The following VPS13B variants were observed in gnomAD, a reference collection of about 807,000 sequenced individuals.
The protein encoded by VPS13B is intermembrane lipid transfer protein VPS13B.
VPS13B carries 285 observed loss-of-function variants against 426.4 expected under a neutral mutation model. The observed-to-expected ratio is 0.67, with a 90% confidence interval of 0.61 to 0.74. VPS13B has a LOEUF of 0.74. Ranked by LOEUF, VPS13B falls within the 30% of genes least tolerant of loss-of-function variation. The pLI, the probability that VPS13B is intolerant of heterozygous loss-of-function variation, is 0.00. For missense variants in VPS13B, 4,537 were observed against 4,782.6 expected, an observed-to-expected ratio of 0.95 and a Z score of 1.51; for synonymous variants, 1,676 against 1,676.4, an observed-to-expected ratio of 1.00 and a Z score of 0.01.
At position 99,152,614 on chromosome 8, in the gene VPS13B, G is replaced by T. The variant is rs192939739; in HGVS notation, c.2014-3935G>T. Among the ~76,000 whole-genome samples the T allele has an allele frequency of 2.5e-3, 383 of 152,260 alleles. 3 individuals are homozygous for T. The highest frequency in any genetic ancestry group is 8.0e-3 in the African/African-American group (331 of 41,548). On this transcript the variant is annotated intron_variant, in intron 14 of 61. Coordinates refer to ENST00000357162, the MANE Select transcript of VPS13B (RefSeq NM_152564.5). ...AGTCTCCAACCAAAACAGTGGGTTT[G>T]TTGGATTTTTTCCTTGAAATTTTAT...
chr8:99,556,486 A>T lies in VPS13B; in HGVS notation c.4782A>T (p.Gly1594=), dbSNP rs2133764676. 1 of 1,613,044 alleles carries T rather than the reference A, an allele frequency of 6.2e-7. No homozygotes were observed. The highest frequency in any genetic ancestry group is 8.5e-7 in the Non-Finnish European group (1 of 1,179,494). ...ALNLGILRDP[G]SEIEDRQYQI... is the part of the protein sequence containing the mutation. ...ACTTAGGAATTCTTCGAGATCCTGG[A>T]TCAGAAATCGAAGACAGACAATACC... is the stretch of plus-strand genomic sequence containing the variant. The change falls in exon 31 of 62, where the codon GGA becomes GGT. Residue 1594 remains glycine (G), a synonymous_variant. Coordinates refer to ENST00000357162, the MANE Select transcript of VPS13B (RefSeq NM_152564.5).
chr8:99,173,181 A>C (rs1033111088), intron 16 of VPS13B, among the ~76,000 whole-genome samples: 3 of 152,056 alleles, frequency 2.0e-5, no homozygotes, highest in African/African-American at 7.2e-5. Flanking sequence ...GCAGGGGAAA[A>C]ATGCTTCTGT....
chr8:99,818,174 C>T (rs928282840), intron 45 of VPS13B, among the ~76,000 whole-genome samples: 1 of 152,136 alleles, frequency 6.6e-6, no homozygotes, highest in African/African-American at 2.4e-5. Context: ...CTTTCATTCC[C>T]ATAAAGGATA....
At chr8:99,053,622 T>C (rs1453391121) in intron 3 of VPS13B, among the ~76,000 whole-genome samples, 1 of 152,020 alleles carries the variant, frequency 6.6e-6, no homozygotes, top group East Asian at 1.9e-4. Flanking sequence ...CTTAGCACAG[T>C]GTCCTCAAGG....
rs60698750 is a variant in VPS13B at position 99,250,664 on chromosome 8, C to CTTTTTTTTTTTT, written c.2516-23507_2516-23496dup. Among the ~76,000 whole-genome samples the CTTTTTTTTTTTT allele has an allele frequency of 2.8e-4, 10 of 35,806 alleles. 3 individuals are homozygous for CTTTTTTTTTTTT. The highest frequency in any genetic ancestry group is 2.3e-3 in the East Asian group (2 of 882). The allele number at this position is 35,806 out of a possible 152,430, so 23.5% of individuals were successfully genotyped here. On this transcript the variant is annotated intron_variant, in intron 17 of 61. Coordinates refer to ENST00000357162, the MANE Select transcript of VPS13B (RefSeq NM_152564.5). ...CTGTCCACTAATCCGTGTGTTTATT[C>CTTTTTTTTTTTT]TTTTTTTTTTTTTTTTTTTTTTTTT...
intron 3 of VPS13B, among the ~76,000 whole-genome samples, chr8:99,057,202 T>C (rs1843925525): frequency 6.6e-6 from 1 of 152,068 alleles, no homozygotes; most frequent in Non-Finnish European, 1.5e-5. Context: ...TTTTTTTGTT[T>C]CCAGTCTGTA....
intron 19 of VPS13B, among the ~76,000 whole-genome samples, chr8:99,326,176 A>G (rs1161047476): frequency 6.6e-6 from 1 of 152,078 alleles, no homozygotes; most frequent in Non-Finnish European, 1.5e-5. Context: ...GACTCAAATA[A>G]TTTTCTGTGC....
At chr8:99,451,641 C>A (rs1327063869) in intron 23 of VPS13B, among the ~76,000 whole-genome samples, 1 of 152,182 alleles carries the variant, frequency 6.6e-6, no homozygotes, top group Non-Finnish European at 1.5e-5. Context: ...GGTTTTCAAT[C>A]TTTGCTGTTT....
intron 22 of VPS13B, among the ~76,000 whole-genome samples, chr8:99,440,321 C>T (rs1817619651): frequency 6.6e-6 from 1 of 152,040 alleles, no homozygotes; most frequent in Non-Finnish European, 1.5e-5. Context: ...TGATCTGACC[C>T]CCAGCTTGAG....
At chr8:99,344,578 T>C (rs1588274255) in intron 19 of VPS13B, among the ~76,000 whole-genome samples, 2 of 152,336 alleles carry the variant, frequency 1.3e-5, no homozygotes, top group Non-Finnish European at 2.9e-5. Context: ...CTTCATATTA[T>C]GTCTTCACCC....
chr8:99,708,939 A>G (rs1832603151), intron 36 of VPS13B, among the ~76,000 whole-genome samples: 1 of 151,936 alleles, frequency 6.6e-6, no homozygotes, highest in Admixed American at 6.6e-5. Context: ...TGATCAACTT[A>G]CATATTCTGA....
chr8:99,566,002 T>G (rs531014263), intron 31 of VPS13B, among the ~76,000 whole-genome samples: 119 of 152,312 alleles, frequency 7.8e-4, no homozygotes, highest in African/African-American at 2.8e-3. Flanking sequence ...ATGTGAATTT[T>G]TCTTCCTGCC....
chr8:99,820,102 A>G lies in VPS13B; in HGVS notation c.8974A>G (p.Ile2992Val). ...IVLQVPAGKI[I>V]IPPNFQEAFQ... ...TCTACAGGTTCCTGCTGGCAAAATT[A>G]TTATTCCTCCTAATTTTCAGGTACT... The change falls in exon 49 of 62, where the codon ATT becomes GTT. Residue 2992 changes from isoleucine to valine, a missense_variant. Ile to Val is a conservative substitution (Grantham distance 29, BLOSUM62 3). Around this residue, in one of 2 missense-constraint regions of VPS13B, gnomAD observed 4,311 missense variants for 4,474.3 expected, o/e 0.96. Coordinates refer to ENST00000357162, the MANE Select transcript of VPS13B (RefSeq NM_152564.5). The G allele has an allele frequency of 3.1e-6, 5 of 1,613,856 alleles. No homozygotes were observed. Among genetic ancestry groups the G allele is most frequent in the Non-Finnish European group, 4.2e-6 (5 of 1,179,804 alleles).
chr8:99,546,805 G>C (rs902004722), intron 30 of VPS13B, among the ~76,000 whole-genome samples: 1 of 151,860 alleles, frequency 6.6e-6, no homozygotes, highest in African/African-American at 2.4e-5. Context: ...AAATGAATTT[G>C]GTTAAGAGAT....
At chr8:99,290,594 T>G (rs1423543587) in intron 19 of VPS13B, among the ~76,000 whole-genome samples, 1 of 151,304 alleles carries the variant, frequency 6.6e-6, no homozygotes, top group Admixed American at 6.6e-5. Flanking sequence ...ACATGGCACA[T>G]GTATACATAT....
At position 99,817,449 on chromosome 8, in the gene VPS13B, A is replaced by G. The variant is rs1259893444; in HGVS notation, c.8098-91A>G. 1.1e-5 allele frequency: 16 copies of G among 1,487,682 alleles called. No individual in the cohort carries two copies. In the East Asian group the frequency reaches 3.6e-4, roughly 34 times the overall value. 92.2% of individuals were successfully genotyped at this position (1,487,682 alleles called of 1,614,324 possible). On this transcript the variant is annotated intron_variant, in intron 44 of 61. Transcript: ENST00000357162. ...ATTACTTCATTTTCTTTCCATTAAC[A>G]TCAACATAGTTTACTCTGTTTGAAT...
At chr8:99,857,832 G>A (rs1378528136) in intron 56 of VPS13B, among the ~76,000 whole-genome samples, 1 of 152,214 alleles carries the variant, frequency 6.6e-6, no homozygotes, top group Admixed American at 6.5e-5. Flanking sequence ...TAAATGTGTT[G>A]AATGCCTGGC....
chr8:99,231,080 A>G (rs1293063306), intron 17 of VPS13B, among the ~76,000 whole-genome samples: 1 of 152,228 alleles, frequency 6.6e-6, no homozygotes, highest in African/African-American at 2.4e-5. Context: ...CAATGAACAT[A>G]TGCTTATATG....
At chr8:99,380,067 C>T (rs1051045166) in intron 19 of VPS13B, among the ~76,000 whole-genome samples, 15 of 151,888 alleles carry the variant, frequency 9.9e-5, no homozygotes, top group East Asian at 5.8e-4. Context: ...GTAACTTTTT[C>T]GGGAGAATGA....
Sources: gnomAD v4.1 joint callset for allele counts (sites outside exome capture counted in the v4.1 genomes callset) on GRCh38, gnomAD v4.1.1 for gene constraint, gnomAD v4.1.1 regional missense constraint, MANE v1.5 for transcripts, NCBI Gene and HGNC (gene_info 2026-07-23, HGNC 2026-07-21) for gene names.